FAM83F: variants seen among roughly 807,000 people sequenced by gnomAD.
The protein encoded by FAM83F is protein FAM83F.
Under a neutral mutation model 42.9 loss-of-function variants are expected in FAM83F, and 45 were observed. That is an observed-to-expected ratio of 1.05 (90% CI 0.83 to 1.35). The LOEUF (loss-of-function observed/expected upper bound fraction) is 1.35. Among genes scored for constraint, FAM83F ranks in the 40% most tolerant of loss-of-function variants. FAM83F has a pLI of 0.00. For missense variants in FAM83F, 617 were observed against 695.9 expected (o/e 0.89, Z 1.28); for synonymous variants, 306 against 298.3 (o/e 1.03, Z -0.27).
intron 1 of FAM83F, among the ~76,000 whole-genome samples, chr22:40,004,854 G>A (rs754966833): frequency 3.9e-5 from 6 of 152,202 alleles, no homozygotes; most frequent in Non-Finnish European, 8.8e-5. Flanking sequence ...GATGGGAACT[G>A]AGATGTGTCG....
chr22:40,019,496 G>A (rs2067508412), intron 2 of FAM83F, among the ~76,000 whole-genome samples, 161 bp downstream of exon 2: 1 of 152,164 alleles, frequency 6.6e-6, no homozygotes, highest in African/African-American at 2.4e-5. Flanking sequence ...CTTTAACCTT[G>A]GCTTTACTGT....
Position 40,021,363 on chromosome 22 carries a change from G to C in FAM83F, c.853G>C (p.Asp285His). The C allele has an allele frequency of 6.2e-7, 1 of 1,611,040 alleles. No individual in the cohort carries two copies. The highest frequency in any genetic ancestry group is 8.5e-7 in the Non-Finnish European group (1 of 1,177,924). ...GACAGGACAGAACGTAGAGCCCTTTGACACGGAGTTCCGGGAGCTGTACGC... is the reference window on the plus strand; with the variant it reads ...GACAGGACAGAACGTAGAGCCCTTTCACACGGAGTTCCGGGAGCTGTACGC... ...LLTGQNVEPF[D>H]TEFRELYAIS... Residue 285 changes from aspartate to histidine, a missense_variant, in exon 4 of 5, where the codon GAC (aspartate) becomes CAC (histidine). Asp to His is a moderately conservative substitution (Grantham distance 81). Coordinates refer to ENST00000333407, the MANE Select transcript of FAM83F (RefSeq NM_138435.4). This position sits in a 1 kb window ranked among gnomAD's most constrained non-coding sequence, Gnocchi z 8.7.
intron 1 of FAM83F, among the ~76,000 whole-genome samples, chr22:40,016,109 AG>A (rs1015196150): frequency 1.5e-4 from 23 of 152,200 alleles, no homozygotes; most frequent in Admixed American, 1.2e-3. Context: ...AAATCAGGAG[AG>A]GGGGGGACAA....
At chr22:40,008,337 T>C (rs934619728) in intron 1 of FAM83F, among the ~76,000 whole-genome samples, 1 of 152,190 alleles carries the variant, frequency 6.6e-6, no homozygotes, top group Admixed American at 6.5e-5. Context: ...CCTGAAGTGG[T>C]GGCCCCTTTG....
intron 1 of FAM83F, among the ~76,000 whole-genome samples, chr22:40,007,839 C>G (rs772883395): frequency 6.6e-6 from 1 of 152,176 alleles, no homozygotes; most frequent in Non-Finnish European, 1.5e-5. Context: ...CAGATGGGGT[C>G]TGTTGCAGTC....
At chr22:40,020,919 T>C (rs529368580) in intron 3 of FAM83F, among the ~76,000 whole-genome samples, 2 of 152,306 alleles carry the variant, frequency 1.3e-5, no homozygotes, top group South Asian at 4.1e-4. Flanking sequence ...TTTAAATGTG[T>C]GTTTGTGCCA....
intron 2 of FAM83F, 42 bp from the exon 3 acceptor site, chr22:40,019,845 T>A (rs1184830986): frequency 6.4e-7 from 1 of 1,573,078 alleles, no homozygotes; most frequent in Non-Finnish European, 8.6e-7. Context: ...GCACGGAGGC[T>A]GGCCCAACCC....
At chr22:40,011,078 C>T (rs1186890099) in intron 1 of FAM83F, among the ~76,000 whole-genome samples, 1 of 152,210 alleles carries the variant, frequency 6.6e-6, no homozygotes, top group Non-Finnish European at 1.5e-5. Context: ...TTCTCCTTCC[C>T]TCCCACTCCT....
intron 2 of FAM83F, 115 bp downstream of exon 2, chr22:40,019,450 A>G: frequency 2.2e-6 from 2 of 895,590 alleles, no homozygotes; most frequent in East Asian, 2.5e-5. Flanking sequence ...GCGAACTTCA[A>G]GATCTCAACA....
At chr22:40,009,872 T>G (rs1199493487) in intron 1 of FAM83F, 1 of 152,176 alleles carries the variant, frequency 6.6e-6, no homozygotes, top group Non-Finnish European at 1.5e-5. Flanking sequence ...GAAAGAGAAT[T>G]GGAAATGCCG....
At position 40,021,237 on chromosome 22, in the gene FAM83F, C is replaced by T; in HGVS notation, c.780-53C>T. On this transcript the variant is annotated intron_variant, in intron 3 of 4. Coordinates refer to ENST00000333407, the MANE Select transcript of FAM83F (RefSeq NM_138435.4). The surrounding 1 kb of genome is among the most constrained non-coding windows in gnomAD (Gnocchi z 8.7). The stretch of plus-strand genomic sequence containing the variant: ...GGGGCAGGTGGGGGCGGGGGCAGGG[C>T]AAGAGAGAGGCCTGGGCACATGTGT... The T allele has an allele frequency of 6.7e-7, 1 of 1,486,342 alleles. No individual in the cohort carries two copies. Among genetic ancestry groups the T allele is most frequent in the Non-Finnish European group, 9.0e-7 (1 of 1,117,170 alleles). 92.1% of individuals were successfully genotyped at this position (1,486,342 alleles called of 1,614,324 possible).
chr22:40,024,058 G>C (rs941864406), intron 4 of FAM83F, among the ~76,000 whole-genome samples: 2 of 152,112 alleles, frequency 1.3e-5, no homozygotes, highest in African/African-American at 4.8e-5. Flanking sequence ...GGAGTGCAGT[G>C]GTGCGACCAC....
In FAM83F at chr22:40,019,747, G is replaced by A. The variant is rs1280558358; in HGVS notation, c.658-140G>A. The A allele has an allele frequency of 2.3e-5, 28 of 1,231,968 alleles. No individual in the cohort carries two copies. The East Asian group carries it at 7.1e-4, about 31-fold the overall frequency. 76.3% of individuals were successfully genotyped at this position (1,231,968 alleles called of 1,614,324 possible). On this transcript the variant is annotated intron_variant, in intron 2 of 4. Transcript: ENST00000333407. ...CAAAGAGGGTTCCCTATGGAAGGCT[G>A]TAGGAAGCAGAGCGTCTAGTGAAGA...
intron 1 of FAM83F, among the ~76,000 whole-genome samples, chr22:40,010,834 T>C (rs1237720820): frequency 6.6e-6 from 1 of 152,218 alleles, no homozygotes; most frequent in African/African-American, 2.4e-5. Context: ...GCTGGTGGAA[T>C]GAAGCCAGAA....
chr22:40,037,744 T>C lies in FAM83F; in HGVS notation c.*8179T>C, dbSNP rs1168478059. ...TTTCACCAACTTTTTTTTTAAGAGATGGGGGTCTCTGTTGCCAGGTTGGAG... is the reference window on the plus strand; with the variant it reads ...TTTCACCAACTTTTTTTTTAAGAGACGGGGGTCTCTGTTGCCAGGTTGGAG... On this transcript the variant is annotated 3_prime_UTR_variant, in exon 5 of 5. Coordinates refer to ENST00000333407, the MANE Select transcript of FAM83F (RefSeq NM_138435.4). 2 of 152,182 alleles carry C rather than the reference T, an allele frequency of 1.3e-5. No individual in the cohort carries two copies. The highest frequency in any genetic ancestry group is 2.9e-5 in the Non-Finnish European group (2 of 68,038). The allele number at this position is 152,182 out of a possible 1,614,324, so 9.4% of individuals were successfully genotyped here.
chr22:40,015,722 A>G (rs1355724764), intron 1 of FAM83F, among the ~76,000 whole-genome samples: 2 of 152,082 alleles, frequency 1.3e-5, no homozygotes, highest in Non-Finnish European at 2.9e-5. Flanking sequence ...GTAAAGTCTT[A>G]TCCTCCCCTG....
chr22:40,027,650 C>T (rs1041426062), intron 4 of FAM83F, among the ~76,000 whole-genome samples: 2 of 152,234 alleles, frequency 1.3e-5, no homozygotes, highest in African/African-American at 2.4e-5. Context: ...AGAGTTTGTC[C>T]TCAAGCCAAG....
intron 3 of FAM83F, among the ~76,000 whole-genome samples, chr22:40,020,237 A>G (rs374505534): frequency 6.6e-6 from 1 of 152,144 alleles, no homozygotes. Flanking sequence ...TCTGTTTTTC[A>G]TGGTCCATTT....
In FAM83F at chr22:40,039,827, C is replaced by G. The variant is rs2067643583; in HGVS notation, c.*10262C>G. Reference sequence around the variant, plus strand: ...AAACGTATTGGTGAAGCCATGGAAACAAGGACTGAGAAAGTCTCTTGGATC... The same window carrying G: ...AAACGTATTGGTGAAGCCATGGAAAGAAGGACTGAGAAAGTCTCTTGGATC... On this transcript the variant is annotated 3_prime_UTR_variant, in exon 5 of 5. Transcript: ENST00000333407. 1 of 152,214 alleles carries G rather than the reference C, an allele frequency of 6.6e-6. No individual in the cohort carries two copies. The highest frequency in any genetic ancestry group is 2.4e-5 in the African/African-American group (1 of 41,446). 9.4% of individuals were successfully genotyped at this position (152,214 alleles called of 1,614,324 possible). A position where few individuals can be genotyped will look rare whatever the true frequency, so the allele number is the denominator to read the frequency against.
Sources: allele counts gnomAD v4.1 joint callset (sites outside exome capture counted in the v4.1 genomes callset), GRCh38; gene constraint gnomAD v4.1.1; non-coding constraint Gnocchi (gnomAD v3.1); transcripts MANE v1.5; gene names NCBI Gene and HGNC (gene_info 2026-07-23, HGNC 2026-07-21).